The following RBAK variants were observed in gnomAD, a reference collection of about 807,000 sequenced individuals.
RBAK encodes the protein RB associated KRAB zinc finger.
Under a neutral mutation model 65.8 loss-of-function variants are expected in RBAK, and 39 were observed. That is an observed-to-expected ratio of 0.59 (90% confidence interval 0.46 to 0.77). The LOEUF (loss-of-function observed/expected upper bound fraction) is 0.77. Among genes scored for constraint, RBAK ranks in the 30% least tolerant of loss-of-function variants. The pLI, the probability that RBAK is intolerant of heterozygous loss-of-function variation, is 0.00. For synonymous variants in RBAK, 343 were observed against 289.7 expected, an observed-to-expected ratio of 1.18 and a Z score of -1.87; for missense variants, 884 against 855.1, an observed-to-expected ratio of 1.03 and a Z score of -0.42.
chr7:5,069,159 TA>T lies in RBAK; in HGVS notation c.*3562del, dbSNP rs1166800820. 2 of 152,204 alleles carry T rather than the reference TA, an allele frequency of 1.3e-5. No homozygotes were observed. Among genetic ancestry groups the T allele is most frequent in the African/African-American group, 4.8e-5 (2 of 41,452 alleles). The allele number at this position is 152,204 out of a possible 1,614,324, so 9.4% of individuals were successfully genotyped here. Reference sequence around the variant, plus strand: ...TGTTAAACTTTCCATAAAAGTTTTCTAAAATCACAAATGGCTAACATTTGTG... The same window carrying T: ...TGTTAAACTTTCCATAAAAGTTTTCTAAATCACAAATGGCTAACATTTGTG... On this transcript the variant is annotated 3_prime_UTR_variant, in exon 5 of 5. Coordinates refer to ENST00000396912, the MANE Select transcript of RBAK (RefSeq NM_021163.4).
intron 4 of RBAK, among the ~76,000 whole-genome samples, chr7:5,059,799 C>T (rs1489337563): frequency 6.6e-6 from 1 of 152,134 alleles, no homozygotes; most frequent in Non-Finnish European, 1.5e-5. Flanking sequence ...AGTGTATGCT[C>T]TATGAATATA....
intron 2 of RBAK, among the ~76,000 whole-genome samples, chr7:5,056,029 G>C (rs1788221694): frequency 6.6e-6 from 1 of 151,912 alleles, no homozygotes; most frequent in Admixed American, 6.6e-5. Context: ...GGGCGTGCTG[G>C]CTCAAGCCTG....
intron 1 of RBAK, among the ~76,000 whole-genome samples, chr7:5,047,519 C>CT (rs1788016015): frequency 6.6e-6 from 1 of 151,560 alleles, no homozygotes; most frequent in East Asian, 1.9e-4. Flanking sequence ...CCATGAGAGT[C>CT]TCACTCATCT....
intron 4 of RBAK, among the ~76,000 whole-genome samples, chr7:5,060,668 G>A (rs1348802427): frequency 5.3e-5 from 8 of 152,256 alleles, no homozygotes; most frequent in Non-Finnish European, 1.2e-4. Flanking sequence ...GTACAGACTT[G>A]TGGCTGAGAA....
rs187514765 is a variant in RBAK at position 5,064,062 on chromosome 7, G to T, written c.606G>T (p.Glu202Asp). Residue 202 changes from glutamate (E) to aspartate (D), a missense_variant, in exon 5 of 5, where the codon GAG becomes GAT. Coordinates refer to ENST00000396912, the MANE Select transcript of RBAK (RefSeq NM_021163.4). This position sits in a 1 kb window ranked among gnomAD's most constrained non-coding sequence, Gnocchi z 6.3. ...TTCTTCAGAAAATTAGTATTTTGGAGAAACCCTTTGAATATAATGAATGCA... is the reference window on the plus strand; with the variant it reads ...TTCTTCAGAAAATTAGTATTTTGGATAAACCCTTTGAATATAATGAATGCA... ...ENILQKISIL[E>D]KPFEYNECME... 1.9e-5 allele frequency: 30 copies of T among 1,613,578 alleles called. No individual in the cohort carries two copies. The highest frequency in any genetic ancestry group is 2.5e-5 in the Non-Finnish European group (30 of 1,179,918).
At chr7:5,046,774 G>A (rs1787996725) in intron 1 of RBAK, among the ~76,000 whole-genome samples, 1 of 152,170 alleles carries the variant, frequency 6.6e-6, no homozygotes, top group Non-Finnish European at 1.5e-5. Flanking sequence ...GAGACTGGTA[G>A]TAATGCAGGA....
intron 2 of RBAK, among the ~76,000 whole-genome samples, chr7:5,052,500 G>A (rs1164010934): frequency 6.6e-6 from 1 of 151,934 alleles, no homozygotes; most frequent in Non-Finnish European, 1.5e-5. Context: ...TATATCTTTT[G>A]TTGAGTTTTT....
In RBAK at chr7:5,067,297, G is replaced by A. The variant is rs1385737207; in HGVS notation, c.*1696G>A. ...AAATCTCTATTTGCAGATGCCATGA[G>A]TAAATTTGGTAAGTTCCCTGCATAA... On this transcript the variant is annotated 3_prime_UTR_variant, in exon 5 of 5. Transcript: ENST00000396912. 2.0e-5 allele frequency: 3 copies of A among 152,150 alleles called. No homozygotes were observed. Among genetic ancestry groups the A allele is most frequent in the African/African-American group, 7.2e-5 (3 of 41,454 alleles). 9.4% of individuals were successfully genotyped at this position (152,150 alleles called of 1,614,324 possible). A position where few individuals can be genotyped will look rare whatever the true frequency, so the allele number is the denominator to read the frequency against.
chr7:5,055,446 C>T (rs1407420857), intron 2 of RBAK, among the ~76,000 whole-genome samples: 2 of 151,828 alleles, frequency 1.3e-5, no homozygotes, highest in African/African-American at 4.8e-5. Flanking sequence ...TTTCTATTTT[C>T]TTTAGTTTGT....
chr7:5,064,761 G>A lies in RBAK; in HGVS notation c.1305G>A (p.Gly435=). 3 of 1,614,028 alleles carry A rather than the reference G, an allele frequency of 1.9e-6. No individual in the cohort carries two copies. In the South Asian group the frequency reaches 3.3e-5, roughly 18 times the overall value. The stretch of plus-strand genomic sequence containing the variant: ...AGCCCTATCAGTGTAGCGAGTGTGG[G>A]AAATTCTTTTCTCGGGTGTCATACC... The part of the protein sequence containing the change: ...GEKPYQCSEC[G]KFFSRVSYLT... The change falls in exon 5 of 5, where the codon GGG becomes GGA. Residue 435 remains glycine (G), a synonymous_variant. Coordinates refer to ENST00000396912, the MANE Select transcript of RBAK (RefSeq NM_021163.4). This position sits in a 1 kb window ranked among gnomAD's most constrained non-coding sequence, Gnocchi z 6.3.
chr7:5,063,608 C>G, intron 4 of RBAK, 87 bp from the exon 5 acceptor site: 1 of 1,078,962 alleles, frequency 9.3e-7, no homozygotes, highest in Admixed American at 3.2e-5. Context: ...AGAGTCAACC[C>G]CACAATGGGG....
chr7:5,054,493 T>G (rs1788182396), intron 2 of RBAK, among the ~76,000 whole-genome samples: 1 of 152,126 alleles, frequency 6.6e-6, no homozygotes, highest in African/African-American at 2.4e-5. Flanking sequence ...TGCTGTTCTT[T>G]GTTATGTGCC....
intron 4 of RBAK, among the ~76,000 whole-genome samples, chr7:5,059,423 C>T (rs755885973): frequency 1.2e-4 from 19 of 152,048 alleles, no homozygotes; most frequent in African/African-American, 2.7e-4. Context: ...CAGGTTCAAG[C>T]GATTCCCCTG....
At chr7:5,049,700 C>CTGTTT (rs544581356) in intron 2 of RBAK, among the ~76,000 whole-genome samples, 3 of 151,920 alleles carry the variant, frequency 2.0e-5, no homozygotes, top group African/African-American at 7.3e-5. Context: ...ATGATGAAGT[C>CTGTTT]TGTTTTGTTT....
rs773280507 is a variant in RBAK, at chr7:5,064,013, C to T, written c.557C>T (p.Thr186Ile). 3 of 1,613,248 alleles carry T rather than the reference C, an allele frequency of 1.9e-6. No individual in the cohort carries two copies. Among genetic ancestry groups the T allele is most frequent in the Admixed American group, 1.7e-5 (1 of 59,926 alleles). ...TGTGAATTTAATCAAAATGGGGATACCTATTCTCACAATGAAGAAAATATT... is the reference window on the plus strand; with the variant it reads ...TGTGAATTTAATCAAAATGGGGATATCTATTCTCACAATGAAGAAAATATT... ...KMCEFNQNGDTYSHNEENILQ... is the reference protein window; with the variant it reads ...KMCEFNQNGDIYSHNEENILQ... The change falls in exon 5 of 5, where the codon ACC (threonine) becomes ATC (isoleucine). Residue 186 changes from threonine to isoleucine, a missense_variant. Transcript: ENST00000396912. This position sits in a 1 kb window ranked among gnomAD's most constrained non-coding sequence, Gnocchi z 6.3.
Position 5,067,050 on chromosome 7 carries a change from C to G in RBAK, c.*1449C>G, listed in dbSNP as rs1779236722. ...CAAATGATGGATTGAAAGGGACTTA[C>G]TTAACTGCATAAAGAGACTTAAACT... On this transcript the variant is annotated 3_prime_UTR_variant, in exon 5 of 5. Transcript: ENST00000396912. The G allele has an allele frequency of 6.6e-6, 1 of 152,130 alleles. No individual in the cohort carries two copies. The highest frequency in any genetic ancestry group is 6.5e-5 in the Admixed American group (1 of 15,272). The allele number at this position is 152,130 out of a possible 1,614,324, so 9.4% of individuals were successfully genotyped here.
intron 4 of RBAK, among the ~76,000 whole-genome samples, chr7:5,062,885 G>T (rs1451062657): frequency 6.6e-6 from 1 of 152,218 alleles, no homozygotes; most frequent in Admixed American, 6.5e-5. Context: ...CCGGCAGTCA[G>T]AGTTTAAGGT....
intron 1 of RBAK, among the ~76,000 whole-genome samples, chr7:5,047,115 C>T (rs190903903): frequency 1.3e-5 from 2 of 152,230 alleles, no homozygotes; most frequent in African/African-American, 2.4e-5. Context: ...TAAGAAAATG[C>T]GGGCCGGATG....
At chr7:5,058,761 G>T (rs537304111) in intron 4 of RBAK, among the ~76,000 whole-genome samples, 2 of 152,214 alleles carry the variant, frequency 1.3e-5, no homozygotes, top group Non-Finnish European at 2.9e-5. Flanking sequence ...TTTCATAAGT[G>T]AATGTCGGTT....
Sources: gnomAD v4.1 joint callset for allele counts (sites outside exome capture counted in the v4.1 genomes callset) on GRCh38, gnomAD v4.1.1 for gene constraint, Gnocchi (gnomAD v3.1) non-coding constraint, MANE v1.5 for transcripts, NCBI Gene and HGNC (gene_info 2026-07-23, HGNC 2026-07-21) for gene names.